PAIP2: variants seen among roughly 807,000 people sequenced by gnomAD.
PAIP2 encodes polyadenylate-binding protein-interacting protein 2.
PAIP2 carries 7 observed loss-of-function variants against 14.8 expected under a neutral mutation model. That is an observed-to-expected ratio of 0.47 (90% CI 0.27 to 0.89). The LOEUF is 0.89. Among genes scored for constraint, PAIP2 ranks in the 40% least tolerant of loss-of-function variants. The probability of loss-of-function intolerance (pLI) is 0.13; values close to 1 mark genes in which losing one functional copy is unlikely to be tolerated. For synonymous variants in PAIP2, 47 were observed against 45.3 expected, an observed-to-expected ratio of 1.04 and a Z score of -0.15; for missense variants, 122 against 154.7, an observed-to-expected ratio of 0.79 and a Z score of 1.12.
At chr5:139,366,202 C>CAAAA (rs1215094572) in intron 3 of PAIP2, among the ~76,000 whole-genome samples, 4 of 25,302 alleles carry the variant, frequency 1.6e-4, no homozygotes, top group Non-Finnish European at 3.6e-4. Context: ...GACTCCACCT[C>CAAAA]AAAAAAAAAA....
intron 1 of PAIP2, among the ~76,000 whole-genome samples, chr5:139,345,626 ATTTTTTT>A (rs34133705): frequency 7.2e-5 from 10 of 138,978 alleles, no homozygotes; most frequent in South Asian, 2.3e-4. Context: ...CTATGCTTGA[ATTTTTTT>A]TTTTTTTTTT....
At chr5:139,359,996 G>A (rs540625672) in intron 1 of PAIP2, among the ~76,000 whole-genome samples, 8 of 151,938 alleles carry the variant, frequency 5.3e-5, no homozygotes, top group South Asian at 2.1e-4. Flanking sequence ...AGATGTAGTC[G>A]CGCTCTGTTG....
At chr5:139,350,181 A>G (rs1184188558) in intron 1 of PAIP2, among the ~76,000 whole-genome samples, 3 of 151,934 alleles carry the variant, frequency 2.0e-5, no homozygotes, top group African/African-American at 7.3e-5. Flanking sequence ...GTCTCAAAAA[A>G]AAAAAAAAAA....
intron 1 of PAIP2, among the ~76,000 whole-genome samples, chr5:139,345,133 C>T (rs1329474216): frequency 1.3e-5 from 2 of 152,060 alleles, no homozygotes. Context: ...GCACGCTCCA[C>T]CTCCAGGGTT....
intron 1 of PAIP2, among the ~76,000 whole-genome samples, chr5:139,348,145 CAAA>C (rs56677878): frequency 8.6e-5 from 6 of 69,644 alleles, no homozygotes; most frequent in Non-Finnish European, 7.5e-5. Flanking sequence ...GACTCCATGT[CAAA>C]AAAAAAAAAA....
chr5:139,342,837 TTTC>T (rs1375517232), intron 1 of PAIP2: 2 of 152,170 alleles, frequency 1.3e-5, no homozygotes, highest in Non-Finnish European at 2.9e-5. Context: ...CTTCCTTTTG[TTTC>T]TTTTTTCCCT....
intron 1 of PAIP2, among the ~76,000 whole-genome samples, chr5:139,344,294 T>C (rs1240075924): frequency 6.6e-6 from 1 of 152,160 alleles, no homozygotes; most frequent in African/African-American, 2.4e-5. Context: ...CTAGGGTACT[T>C]TAAGGTGGCT....
chr5:139,355,166 C>CTTTTT, intron 1 of PAIP2, among the ~76,000 whole-genome samples: 1 of 118,750 alleles, frequency 8.4e-6, no homozygotes, highest in Non-Finnish European at 1.7e-5. Context: ...TTGTCTCTCT[C>CTTTTT]TTTTTTTTTT....
intron 1 of PAIP2, among the ~76,000 whole-genome samples, chr5:139,353,072 A>C (rs1756797054): frequency 6.6e-6 from 1 of 150,540 alleles, no homozygotes; most frequent in Non-Finnish European, 1.5e-5. Flanking sequence ...GAGCCATTGC[A>C]CTCCAGCCTG....
At chr5:139,352,502 G>GTTTTTTTTTT (rs536704901) in intron 1 of PAIP2, among the ~76,000 whole-genome samples, 3 of 76,152 alleles carry the variant, frequency 3.9e-5, no homozygotes, top group South Asian at 5.0e-4. Flanking sequence ...TTTTTTTGTT[G>GTTTTTTTTTT]TTTTTTTTTT....
At chr5:139,356,691 C>G (rs534962280) in intron 1 of PAIP2, among the ~76,000 whole-genome samples, 12 of 151,910 alleles carry the variant, frequency 7.9e-5, no homozygotes, top group African/African-American at 2.7e-4. Context: ...CGAGACCAGC[C>G]TAGCCAACAT....
intron 1 of PAIP2, among the ~76,000 whole-genome samples, chr5:139,347,225 AT>A (rs570622671): frequency 1.7e-4 from 25 of 144,178 alleles, no homozygotes; most frequent in African/African-American, 4.6e-4. Context: ...GTTACAACTA[AT>A]TTTTTTTTTA....
chr5:139,357,807 G>A (rs1394782517), intron 1 of PAIP2, among the ~76,000 whole-genome samples: 1 of 152,100 alleles, frequency 6.6e-6, no homozygotes, highest in Non-Finnish European at 1.5e-5. Context: ...CTCCAGCCTG[G>A]GCAACAGAGC....
At chr5:139,366,002 C>G (rs959413198) in intron 3 of PAIP2, among the ~76,000 whole-genome samples, 2 of 151,990 alleles carry the variant, frequency 1.3e-5, no homozygotes, top group Non-Finnish European at 2.9e-5. Context: ...GAGTTCGAGA[C>G]CAGCCTGACC....
chr5:139,343,351 G>A (rs1052671419), intron 1 of PAIP2: 6 of 152,212 alleles, frequency 3.9e-5, no homozygotes, highest in African/African-American at 1.4e-4. Flanking sequence ...AGGGAATGGA[G>A]ATTTCCTCTA....
intron 1 of PAIP2, among the ~76,000 whole-genome samples, chr5:139,350,391 G>A (rs1206365772): frequency 6.6e-6 from 1 of 152,054 alleles, no homozygotes; most frequent in African/African-American, 2.4e-5. Flanking sequence ...CCAGCACTTT[G>A]GGAGGCCGAG....
rs1757024514 is a variant in PAIP2 at position 139,360,040 on chromosome 5, C to G, written c.-26-3719C>G. Among the ~76,000 whole-genome samples, 3 of 152,038 alleles carry G rather than the reference C, an allele frequency of 2.0e-5. No individual in the cohort carries two copies. The South Asian group carries it at 6.2e-4, about 32-fold the overall frequency. ...AGAGTGCAGTGGCGCAGTCTCGGCTCACTGCAACCTCCACCTCTCAGGTTC... is the reference window on the plus strand; with the variant it reads ...AGAGTGCAGTGGCGCAGTCTCGGCTGACTGCAACCTCCACCTCTCAGGTTC... On this transcript the variant is annotated intron_variant, in intron 1 of 3. Transcript: ENST00000265192.
At chr5:139,361,181 C>T (rs140991183) in intron 1 of PAIP2, among the ~76,000 whole-genome samples, 1 of 151,928 alleles carries the variant, frequency 6.6e-6, no homozygotes, top group Non-Finnish European at 1.5e-5. Context: ...CCACTATGAT[C>T]CTGTTGTCAT....
chr5:139,363,351 G>T (rs878985087), intron 1 of PAIP2, among the ~76,000 whole-genome samples: 3 of 152,024 alleles, frequency 2.0e-5, no homozygotes, highest in Non-Finnish European at 2.9e-5. Flanking sequence ...TCAACTTACC[G>T]TGTATTTTTA....
Sources: gnomAD v4.1 joint callset for allele counts (sites outside exome capture counted in the v4.1 genomes callset) on GRCh38, gnomAD v4.1.1 for gene constraint, MANE v1.5 for transcripts, NCBI Gene and HGNC (gene_info 2026-07-23, HGNC 2026-07-21) for gene names.